The following UBXN6 variants were observed in gnomAD, a reference collection of about 807,000 sequenced individuals.
UBXN6 encodes UBX domain-containing protein 6.
UBXN6 carries 44 observed loss-of-function variants against 51.4 expected under a neutral mutation model. That is an observed-to-expected ratio of 0.86 (90% CI 0.67 to 1.10). UBXN6 has a LOEUF of 1.10. Among genes scored for constraint, UBXN6 ranks in the 50% least tolerant of loss-of-function variants. The pLI is 0.00. For missense variants in UBXN6, 672 were observed against 596.1 expected (o/e 1.13, Z -1.32); for synonymous variants, 316 against 263.2 (o/e 1.20, Z -1.94).
upstream of UBXN6, chr19:4,457,812 A>T (rs962448354): frequency 2.0e-5 from 12 of 596,374 alleles, no homozygotes; most frequent in African/African-American, 8.2e-5. Flanking sequence ...AAAAAAAAAA[A>T]AAAAAAAAAA....
chr19:4,449,343 C>G (rs1974607670), intron 4 of UBXN6: 1 of 153,078 alleles, frequency 6.5e-6, no homozygotes, highest in South Asian at 2.1e-4. Flanking sequence ...ACCCACCACC[C>G]CCCACCCTCA....
intron 1 of UBXN6, among the ~76,000 whole-genome samples, chr19:4,455,663 C>T (rs965246123): frequency 3.3e-5 from 5 of 152,168 alleles, no homozygotes; most frequent in Admixed American, 1.3e-4. Flanking sequence ...CTGGGCTCCC[C>T]GCAGTTCTTC....
At position 4,457,500 on chromosome 19, in the gene UBXN6, G is replaced by GC. The variant is rs1974756222; in HGVS notation, c.83+114_83+115insG. 4 of 725,714 alleles carry GC rather than the reference G, an allele frequency of 5.5e-6. 1 individual carries two copies. The highest frequency in any genetic ancestry group is 2.3e-5 in the African/African-American group (1 of 44,370). 45.0% of individuals were successfully genotyped at this position (725,714 alleles called of 1,614,324 possible). On this transcript the variant is annotated intron_variant, in intron 1 of 10. Coordinates refer to ENST00000301281, the MANE Select transcript of UBXN6 (RefSeq NM_025241.3). ...CCTCTCCCCCTCCCCTGACCCTCGC[G>GC]TGCCGCTCCCAGCCCCTCATCCTCT... is the stretch of plus-strand genomic sequence containing the variant.
chr19:4,451,828 T>C (rs1298474849), intron 4 of UBXN6, among the ~76,000 whole-genome samples: 1 of 151,810 alleles, frequency 6.6e-6, no homozygotes, highest in Non-Finnish European at 1.5e-5. Context: ...TCTTTCTGTA[T>C]TGAAGCAAAT....
intron 1 of UBXN6, among the ~76,000 whole-genome samples, chr19:4,456,161 C>G (rs1013279158): frequency 6.6e-6 from 1 of 152,012 alleles, no homozygotes; most frequent in Non-Finnish European, 1.5e-5. Context: ...GCTGATCCAG[C>G]CATCACCCCG....
At chr19:4,456,721 T>G (rs1054949067) in intron 1 of UBXN6, among the ~76,000 whole-genome samples, 45 of 151,900 alleles carry the variant, frequency 3.0e-4, no homozygotes, top group Admixed American at 1.6e-3. Context: ...TCCTTTCCCC[T>G]CCTCTCCCAC....
chr19:4,455,058 G>T (rs1974721095), intron 1 of UBXN6: 1 of 250,688 alleles, frequency 4.0e-6, no homozygotes, highest in Non-Finnish European at 6.3e-6. Context: ...AAGAGCTCAT[G>T]GACTCGTGGC....
intron 3 of UBXN6, 119 bp from the exon 4 acceptor site, chr19:4,452,611 C>T (rs567555757): frequency 7.3e-7 from 1 of 1,363,474 alleles, no homozygotes; most frequent in East Asian, 2.6e-5. Context: ...CCATGCTGTC[C>T]CTTCCACCTG....
rs138428778 is a variant in UBXN6, at chr19:4,445,597, C to A, written c.1227G>T (p.Ser409=). Residue 409 remains serine (S), a synonymous_variant, in exon 11 of 11, where the codon TCG becomes TCT. Transcript: ENST00000301281. Reference sequence around the variant, plus strand: ...TGTCCTCCAGCACAGCCATGTCCCACGAGAAGGTCAGGAGGGCAGAGGGCA... The same window carrying A: ...TGTCCTCCAGCACAGCCATGTCCCAAGAGAAGGTCAGGAGGGCAGAGGGCA... ...GLVPSALLTF[S]WDMAVLEDIK... 3.1e-6 allele frequency: 5 copies of A among 1,613,618 alleles called. No homozygotes were observed. Among genetic ancestry groups the A allele is most frequent in the Non-Finnish European group, 4.2e-6 (5 of 1,179,968 alleles).
At chr19:4,456,959 C>G (rs979924130) in intron 1 of UBXN6, among the ~76,000 whole-genome samples, 5 of 152,152 alleles carry the variant, frequency 3.3e-5, no homozygotes, top group Non-Finnish European at 7.4e-5. Context: ...GCTGCCCACC[C>G]CGGCCTCCCT....
In UBXN6 at chr19:4,446,761, G is replaced by A. The variant is rs779110246; in HGVS notation, c.701-42C>T. ...CATGGGTGTCACTGTGCAATGGAGA[G>A]ACCCCCAAGCCGGGCCCTCCTGCCC... is the stretch of plus-strand genomic sequence containing the variant. On this transcript the variant is annotated intron_variant, in intron 7 of 10. Transcript: ENST00000301281. The A allele has an allele frequency of 8.7e-6, 14 of 1,611,780 alleles. No individual in the cohort carries two copies. The Admixed American group carries it at 2.2e-4, about 25-fold the overall frequency.
intron 1 of UBXN6, chr19:4,455,319 C>T (rs926302849): frequency 4.0e-5 from 39 of 985,202 alleles, no homozygotes; most frequent in East Asian, 2.3e-4. Context: ...CTTACATACC[C>T]GGGCAGCCCT....
chr19:4,457,759 G>T lies in UBXN6; in HGVS notation c.-62C>A. Reference sequence around the variant, plus strand: ...CGGGGGGGCACGGGGCCCAGTCGGGGACGGGGCCGCCGGAGACCAGCCACC... The same window carrying T: ...CGGGGGGGCACGGGGCCCAGTCGGGTACGGGGCCGCCGGAGACCAGCCACC... On this transcript the variant is annotated 5_prime_UTR_variant, in exon 1 of 11. Coordinates refer to ENST00000301281, the MANE Select transcript of UBXN6 (RefSeq NM_025241.3). 9.9e-7 allele frequency: 1 copy of T among 1,012,872 alleles called. No individual in the cohort carries two copies. The highest frequency in any genetic ancestry group is 3.6e-4 in the Middle Eastern group (1 of 2,810). The allele number at this position is 1,012,872 out of a possible 1,614,324, so 62.7% of individuals were successfully genotyped here.
chr19:4,447,046 C>T, intron 6 of UBXN6, 126 bp from the exon 7 acceptor site: 1 of 917,260 alleles, frequency 1.1e-6, no homozygotes, highest in East Asian at 2.6e-5. Flanking sequence ...TGGGGCCCAG[C>T]CCTGGGGGTG....
intron 6 of UBXN6, 109 bp from the exon 7 acceptor site, chr19:4,447,029 C>G: frequency 8.8e-7 from 1 of 1,130,162 alleles, no homozygotes; most frequent in Non-Finnish European, 1.3e-6. Context: ...AGCTGTCGAC[C>G]CCTGGATGGG....
intron 4 of UBXN6, 57 bp downstream of exon 4, chr19:4,452,307 G>A (rs983493191): frequency 4.4e-6 from 7 of 1,593,372 alleles, no homozygotes; most frequent in Non-Finnish European, 6.0e-6. Flanking sequence ...CCGATGGAGG[G>A]TGGCTCAGGC....
chr19:4,454,230 C>T, intron 1 of UBXN6, 137 bp from the exon 2 acceptor site: 3 of 1,025,110 alleles, frequency 2.9e-6, no homozygotes, highest in Non-Finnish European at 4.1e-6. Flanking sequence ...GGCCAGGACA[C>T]CTGGTTCCCA....
At position 4,445,772 on chromosome 19, in the gene UBXN6, C is replaced by T. The variant is rs1002926427; in HGVS notation, c.1201-149G>A. On this transcript the variant is annotated intron_variant, in intron 10 of 10. Coordinates refer to ENST00000301281, the MANE Select transcript of UBXN6 (RefSeq NM_025241.3). ...GTGGCTCGCACCCAGGCCTCCTGCCCTCTCCCTCCGGGACTCCAGGACCTA... is the reference window on the plus strand; with the variant it reads ...GTGGCTCGCACCCAGGCCTCCTGCCTTCTCCCTCCGGGACTCCAGGACCTA... 14 of 1,330,778 alleles carry T rather than the reference C, an allele frequency of 1.1e-5. No homozygotes were observed. In the African/African-American group the frequency reaches 1.9e-4, roughly 18 times the overall value. The allele number at this position is 1,330,778 out of a possible 1,614,324, so 82.4% of individuals were successfully genotyped here.
chr19:4,456,293 C>T (rs1974738715), intron 1 of UBXN6, among the ~76,000 whole-genome samples: 3 of 149,988 alleles, frequency 2.0e-5, no homozygotes, highest in South Asian at 4.3e-4. Context: ...CCCTCTCCCT[C>T]CCTCACTCAG....
Sources: gnomAD v4.1 joint callset for allele counts (sites outside exome capture counted in the v4.1 genomes callset) on GRCh38, gnomAD v4.1.1 for gene constraint, MANE v1.5 for transcripts, NCBI Gene and HGNC (gene_info 2026-07-23, HGNC 2026-07-21) for gene names.